The following HEATR5B variants were observed in gnomAD, a reference collection of about 807,000 sequenced individuals.
HEATR5B encodes the protein HEAT repeat containing 5B.
A neutral mutation model predicts 224.1 loss-of-function variants in HEATR5B; 156 were observed. The ratio of observed to expected loss-of-function variants is 0.70; its 90% confidence interval spans 0.61 to 0.80. The LOEUF (loss-of-function observed/expected upper bound fraction) is 0.80. HEATR5B is among the 30% of genes least tolerant of loss of function. HEATR5B has a pLI of 0.00. For synonymous variants in HEATR5B, 1,027 were observed against 893.0 expected, an observed-to-expected ratio of 1.15 and a Z score of -2.68; for missense variants, 2,323 against 2,535.5, an observed-to-expected ratio of 0.92 and a Z score of 1.80.
intron 30 of HEATR5B, among the ~76,000 whole-genome samples, chr2:37,005,314 C>T (rs1667342291): frequency 6.6e-6 from 1 of 152,178 alleles, no homozygotes; most frequent in Non-Finnish European, 1.5e-5. Context: ...CCATCCTTTG[C>T]TTTCCTATCA....
At chr2:37,004,021 G>A (rs1423415503) in intron 30 of HEATR5B, among the ~76,000 whole-genome samples, 2 of 152,108 alleles carry the variant, frequency 1.3e-5, no homozygotes, top group Non-Finnish European at 2.9e-5. Context: ...AACCTGAGCT[G>A]AATATCCAAG....
chr2:37,038,915 G>T (rs950053270), intron 20 of HEATR5B, among the ~76,000 whole-genome samples: 1 of 102,988 alleles, frequency 9.7e-6, no homozygotes, highest in Non-Finnish European at 2.1e-5. Context: ...GGTGGGGGGG[G>T]TGGGGAATCA....
intron 27 of HEATR5B, among the ~76,000 whole-genome samples, chr2:37,010,069 C>T (rs527943751): frequency 2.0e-5 from 3 of 152,202 alleles, no homozygotes; most frequent in African/African-American, 7.2e-5. Context: ...AGCAACTTTC[C>T]TAAAATATAA....
chr2:37,033,945 G>A (rs1450213011), intron 21 of HEATR5B, among the ~76,000 whole-genome samples: 1 of 152,122 alleles, frequency 6.6e-6, no homozygotes, highest in Non-Finnish European at 1.5e-5. Context: ...TCCATCTGCT[G>A]CTTTTCAAGC....
At chr2:37,009,773 G>A (rs10208258) in intron 27 of HEATR5B, among the ~76,000 whole-genome samples, 15,168 of 145,258 alleles carry the variant, frequency 0.1, 1,154 homozygotes, top group African/African-American at 0.22. Context: ...AGCACCCCCC[G>A]CCTCCACTTT....
chr2:37,058,614 T>C, intron 13 of HEATR5B, 54 bp from the exon 14 acceptor site: 1 of 1,240,310 alleles, frequency 8.1e-7, no homozygotes, highest in Non-Finnish European at 1.2e-6. Context: ...GTATTACTTA[T>C]AAATTTTTTT....
intron 23 of HEATR5B, 119 bp downstream of exon 23, chr2:37,028,562 T>C (rs1174295353): frequency 1.4e-6 from 1 of 720,108 alleles, no homozygotes; most frequent in East Asian, 2.9e-5. Context: ...AGATCAAAAG[T>C]TATTACTTTT....
intron 35 of HEATR5B, among the ~76,000 whole-genome samples, chr2:36,982,274 G>A (rs1035087977): frequency 1.3e-5 from 2 of 152,072 alleles, no homozygotes; most frequent in Non-Finnish European, 2.9e-5. Context: ...AAAACTCACA[G>A]TGAGGGGAAA....
At chr2:37,079,698 G>A (rs747399064) in intron 2 of HEATR5B, among the ~76,000 whole-genome samples, 1 of 152,054 alleles carries the variant, frequency 6.6e-6, no homozygotes, top group African/African-American at 2.4e-5. Flanking sequence ...ATGTAAAAGT[G>A]AAGTCAGTAG....
chr2:37,007,450 TCTC>T, intron 28 of HEATR5B, 146 bp from the exon 29 acceptor site: 2 of 855,766 alleles, frequency 2.3e-6, no homozygotes, highest in South Asian at 1.9e-5. Context: ...TTCAAGCAAT[TCTC>T]CTGCCTCAGC....
intron 4 of HEATR5B, 34 bp downstream of exon 4, chr2:37,076,877 C>A: frequency 6.7e-7 from 1 of 1,492,936 alleles, no homozygotes; most frequent in Non-Finnish European, 9.3e-7. Context: ...TTGCCACAAG[C>A]AAATATTCAA....
rs1322808834 is a variant in HEATR5B, at chr2:37,020,749, C to T, written c.3941G>A (p.Gly1314Glu). 1 of 1,610,040 alleles carries T rather than the reference C, an allele frequency of 6.2e-7. No homozygotes were observed. Among genetic ancestry groups the T allele is most frequent in the African/African-American group, 1.3e-5 (1 of 74,602 alleles). ...TDHSNQLRMA[G>E]LQALEDIIKK... ...GATAATGTCTTCAAGCGCCTGGAGCCCAGCCATTCGCAGCTGGTTGCTATG... is the reference window on the plus strand; with the variant it reads ...GATAATGTCTTCAAGCGCCTGGAGCTCAGCCATTCGCAGCTGGTTGCTATG... Residue 1314 changes from glycine (G) to glutamate (E), a missense_variant, in exon 25 of 36, where the codon GGG becomes GAG. Gly to Glu is a moderately conservative substitution (Grantham distance 98, BLOSUM62 -2). This residue lies in a region of HEATR5B where 339 missense variants were observed against 378.4 expected (regional missense o/e 0.90). Coordinates refer to ENST00000233099, the MANE Select transcript of HEATR5B (RefSeq NM_019024.3).
rs1174675547 is a variant in HEATR5B at position 37,020,845 on chromosome 2, A to G, written c.3854-9T>C. On this transcript the variant is annotated splice_polypyrimidine_tract_variant and intron_variant, in intron 24 of 35. Coordinates refer to ENST00000233099, the MANE Select transcript of HEATR5B (RefSeq NM_019024.3). ...AAGTACCAAGAGGTCATCTAAAAAT[A>G]AAAATAGAATGCAAAAATGAAAACT... The G allele has an allele frequency of 3.4e-6, 5 of 1,458,878 alleles. No homozygotes were observed. Among genetic ancestry groups the G allele is most frequent in the Non-Finnish European group, 4.6e-6 (5 of 1,097,184 alleles). The allele number at this position is 1,458,878 out of a possible 1,614,324, so 90.4% of individuals were successfully genotyped here.
At chr2:37,039,828 G>C (rs1341190891) in intron 20 of HEATR5B, among the ~76,000 whole-genome samples, 3 of 152,190 alleles carry the variant, frequency 2.0e-5, no homozygotes, top group East Asian at 1.9e-4. Context: ...CCACTCATAA[G>C]TTGACTAACT....
At chr2:37,049,314 C>T (rs1281216009) in intron 18 of HEATR5B, among the ~76,000 whole-genome samples, 2 of 151,968 alleles carry the variant, frequency 1.3e-5, no homozygotes, top group Admixed American at 1.3e-4. Flanking sequence ...TAAAGAGGGA[C>T]AAGGAAAGGG....
intron 21 of HEATR5B, among the ~76,000 whole-genome samples, chr2:37,037,313 T>C (rs1251673739): frequency 6.6e-6 from 1 of 151,292 alleles, no homozygotes; most frequent in African/African-American, 2.4e-5. Context: ...GCCCGGCTAA[T>C]TTTGTATTTT....
In HEATR5B at chr2:37,049,895, A is replaced by T. The variant is rs766604478; in HGVS notation, c.2506-52T>A. The stretch of plus-strand genomic sequence containing the variant: ...AGACAGCAATTCATAATTCATTATT[A>T]TTATTTTTTTTTTAAGGCAAGGTCT... On this transcript the variant is annotated intron_variant, in intron 17 of 35. Coordinates refer to ENST00000233099, the MANE Select transcript of HEATR5B (RefSeq NM_019024.3). 12 of 1,428,190 alleles carry T rather than the reference A, an allele frequency of 8.4e-6. No homozygotes were observed. The Admixed American group carries it at 3.0e-4, about 36-fold the overall frequency. The allele number at this position is 1,428,190 out of a possible 1,614,324, so 88.5% of individuals were successfully genotyped here. A position where few individuals can be genotyped will look rare whatever the true frequency, so the allele number is the denominator to read the frequency against.
chr2:37,008,981 T>G, intron 27 of HEATR5B, 133 bp from the exon 28 acceptor site: 2 of 715,824 alleles, frequency 2.8e-6, no homozygotes, highest in South Asian at 3.7e-5. Flanking sequence ...ACACTTTGGC[T>G]GGGTGCGGTG....
At chr2:37,067,079 C>T (rs1477507612) in intron 8 of HEATR5B, among the ~76,000 whole-genome samples, 12 of 152,100 alleles carry the variant, frequency 7.9e-5, no homozygotes, top group Admixed American at 5.2e-4. Flanking sequence ...CCATGTTGGG[C>T]AGGCTGTTTT....
Sources: allele counts gnomAD v4.1 joint callset (sites outside exome capture counted in the v4.1 genomes callset), GRCh38; gene constraint gnomAD v4.1.1; regional missense constraint gnomAD v4.1.1; transcripts MANE v1.5; gene names NCBI Gene and HGNC (gene_info 2026-07-23, HGNC 2026-07-21).